MKLN1: variants seen among roughly 807,000 people sequenced by gnomAD.
MKLN1 encodes muskelin 1.
Under a neutral mutation model 99.0 loss-of-function variants are expected in MKLN1, and 18 were observed. The ratio of observed to expected loss-of-function variants is 0.18; its 90% confidence interval spans 0.13 to 0.27. The LOEUF is 0.27. Ranked by LOEUF, MKLN1 falls within the 10% of genes least tolerant of loss-of-function variation. The pLI, the probability that MKLN1 is intolerant of heterozygous loss-of-function variation, is 1.00. For missense variants in MKLN1, 621 were observed against 875.9 expected, an observed-to-expected ratio of 0.71 and a Z score of 3.67; for synonymous variants, 288 against 293.2, an observed-to-expected ratio of 0.98 and a Z score of 0.18.
At chr7:131,128,205 C>CAAAAAA (rs11339275) in intron 1 of MKLN1, among the ~76,000 whole-genome samples, 1 of 85,320 alleles carries the variant, frequency 1.2e-5, no homozygotes, top group Non-Finnish European at 2.5e-5. Flanking sequence ...GCCTCTGATT[C>CAAAAAA]AAAAAAAAAA....
chr7:131,362,725 C>G (rs1189539012), intron 1 of MKLN1, among the ~76,000 whole-genome samples: 1 of 151,660 alleles, frequency 6.6e-6, no homozygotes, highest in Non-Finnish European at 1.5e-5. Context: ...TTAGCGGTAT[C>G]TTTTTTGGGA....
chr7:131,304,061 C>T (rs1162526956), intron 3 of MKLN1, among the ~76,000 whole-genome samples: 1 of 152,086 alleles, frequency 6.6e-6, no homozygotes. Flanking sequence ...AGGTATAGGC[C>T]TCAAAAATGT....
intron 1 of MKLN1, among the ~76,000 whole-genome samples, chr7:131,360,289 T>G (rs940553107): frequency 2.0e-5 from 3 of 152,188 alleles, no homozygotes; most frequent in African/African-American, 7.2e-5. Context: ...CACATACAAA[T>G]TGATTGTTGA....
At chr7:131,458,869 A>G (rs949857889) in intron 12 of MKLN1, among the ~76,000 whole-genome samples, 1 of 152,102 alleles carries the variant, frequency 6.6e-6, no homozygotes, top group African/African-American at 2.4e-5. Flanking sequence ...TCTAGCATTC[A>G]TTGTTACTGA....
At chr7:131,134,120 G>A (rs1004620957) in intron 1 of MKLN1, among the ~76,000 whole-genome samples, 3 of 151,998 alleles carry the variant, frequency 2.0e-5, no homozygotes, top group South Asian at 2.1e-4. Flanking sequence ...ATGAGCCAAC[G>A]CGCCCGGCCA....
chr7:131,164,139 T>C (rs562327470), intron 2 of MKLN1, among the ~76,000 whole-genome samples: 1 of 152,222 alleles, frequency 6.6e-6, no homozygotes, highest in East Asian at 1.9e-4. Context: ...TGAGACAGGG[T>C]CTCACTCTGT....
chr7:131,147,181 A>G (rs1357896118), intron 2 of MKLN1, among the ~76,000 whole-genome samples: 1 of 150,120 alleles, frequency 6.7e-6, no homozygotes, highest in East Asian at 2.0e-4. Flanking sequence ...CCTCCCAAGT[A>G]GCTGGGATTA....
intron 3 of MKLN1, among the ~76,000 whole-genome samples, chr7:131,315,609 G>A (rs1213637282): frequency 6.6e-6 from 1 of 152,182 alleles, no homozygotes; most frequent in Non-Finnish European, 1.5e-5. Flanking sequence ...TGCTAAGTGG[G>A]TCCCACTCCC....
chr7:131,154,650 T>C (rs1711772333), intron 2 of MKLN1, among the ~76,000 whole-genome samples: 2 of 152,204 alleles, frequency 1.3e-5, no homozygotes, highest in Admixed American at 6.5e-5. Context: ...ATATGATATA[T>C]GATATACATA....
intron 3 of MKLN1, among the ~76,000 whole-genome samples, chr7:131,290,673 G>T (rs1280746062): frequency 6.6e-6 from 1 of 152,192 alleles, no homozygotes; most frequent in Admixed American, 6.5e-5. Context: ...GAATAGAGAT[G>T]ATCTCCCTTC....
chr7:131,177,697 C>T (rs1749717481), intron 2 of MKLN1, among the ~76,000 whole-genome samples: 1 of 152,038 alleles, frequency 6.6e-6, no homozygotes, highest in African/African-American at 2.4e-5. Flanking sequence ...TCAAATGCTC[C>T]TTGTCTTTTG....
chr7:131,487,565 G>A lies in MKLN1; in HGVS notation c.2087-42G>A. On this transcript the variant is annotated intron_variant, in intron 17 of 17. Coordinates refer to ENST00000352689, the MANE Select transcript of MKLN1 (RefSeq NM_013255.5). The surrounding 1 kb of genome is among the most constrained non-coding windows in gnomAD (Gnocchi z 4.7). ...GTCTCAACTAGTTTTTCTGTTACAT[G>A]TTTTAAACACAATGGATGTTTCTTT... 6.3e-7 allele frequency: 1 copy of A among 1,595,164 alleles called. No homozygotes were observed. The highest frequency in any genetic ancestry group is 1.1e-5 in the South Asian group (1 of 88,502).
At chr7:131,178,391 C>T (rs1032304419) in intron 2 of MKLN1, among the ~76,000 whole-genome samples, 13 of 149,440 alleles carry the variant, frequency 8.7e-5, no homozygotes, top group Non-Finnish European at 1.3e-4. Context: ...CCTGCCTCGG[C>T]CTCCCAAAGT....
chr7:131,190,876 T>G (rs949695377), intron 2 of MKLN1, among the ~76,000 whole-genome samples: 5 of 152,214 alleles, frequency 3.3e-5, no homozygotes, highest in African/African-American at 1.2e-4. Flanking sequence ...GTTCTGTTGC[T>G]GGAAAAAGCA....
At chr7:131,276,398 G>T (rs1348526482) in intron 3 of MKLN1, among the ~76,000 whole-genome samples, 1 of 152,202 alleles carries the variant, frequency 6.6e-6, no homozygotes, top group African/African-American at 2.4e-5. Context: ...AAAGTTCAGA[G>T]ATCTGTTCTA....
At chr7:131,210,922 G>A (rs748784124) in intron 3 of MKLN1, among the ~76,000 whole-genome samples, 18 of 151,434 alleles carry the variant, frequency 1.2e-4, no homozygotes, top group Middle Eastern at 3.4e-3. Context: ...TACTGGGTTG[G>A]TGGGGAAAGC....
chr7:131,406,033 A>C (rs1383630010), intron 6 of MKLN1, among the ~76,000 whole-genome samples: 1 of 152,068 alleles, frequency 6.6e-6, no homozygotes, highest in African/African-American at 2.4e-5. Flanking sequence ...TGATCATCGA[A>C]TTATATGTTT....
chr7:131,397,141 A>G (rs1246972296), intron 4 of MKLN1, 126 bp from the exon 5 acceptor site: 1 of 629,042 alleles, frequency 1.6e-6, no homozygotes, highest in Non-Finnish European at 2.8e-6. Flanking sequence ...TGCTAGTCAT[A>G]TAAAAGATGC....
chr7:131,387,158 G>A lies in MKLN1; in HGVS notation c.207G>A (p.Gln69=). Reference sequence around the variant, plus strand: ...AGCTCGAAAGGCCTGCTATAGTTCAGAATATCACATTTGGAAAATATGAGA... The same window carrying A: ...AGCTCGAAAGGCCTGCTATAGTTCAAAATATCACATTTGGAAAATATGAGA... The part of the protein sequence containing the change: ...ILKLERPAIV[Q]NITFGKYEKT... The change falls in exon 3 of 18, where the codon CAG becomes CAA. Residue 69 remains glutamine (Q), a synonymous_variant. Coordinates refer to ENST00000352689, the MANE Select transcript of MKLN1 (RefSeq NM_013255.5). 6.2e-7 allele frequency: 1 copy of A among 1,612,314 alleles called. No individual in the cohort carries two copies. The highest frequency in any genetic ancestry group is 8.5e-7 in the Non-Finnish European group (1 of 1,179,220).
Sources: allele counts gnomAD v4.1 joint callset (sites outside exome capture counted in the v4.1 genomes callset), GRCh38; gene constraint gnomAD v4.1.1; non-coding constraint Gnocchi (gnomAD v3.1); transcripts MANE v1.5; gene names NCBI Gene and HGNC (gene_info 2026-07-23, HGNC 2026-07-21).